The following DCT variants were observed in gnomAD, a reference collection of about 807,000 sequenced individuals.
The protein encoded by DCT is dopachrome tautomerase.
Under a neutral mutation model 53.0 loss-of-function variants are expected in DCT, and 47 were observed. That is an observed-to-expected ratio of 0.89 (90% CI 0.70 to 1.13). The LOEUF (loss-of-function observed/expected upper bound fraction) is 1.13, where lower values mean the gene tolerates loss of function less well. Ranked by LOEUF, DCT falls within the 50% of genes most tolerant of loss-of-function variation. The pLI is 0.00. For synonymous variants in DCT, 244 were observed against 237.0 expected, an observed-to-expected ratio of 1.03 and a Z score of -0.27; for missense variants, 669 against 637.4, an observed-to-expected ratio of 1.05 and a Z score of -0.53.
At chr13:94,548,680 T>C in the DCT span, among the ~76,000 whole-genome samples, 2 of 151,628 alleles carry the variant, frequency 1.3e-5, no homozygotes, top group African/African-American at 2.4e-5. Context: ...GCTGGGAAGC[T>C]GATGCCCCTG....
At chr13:94,488,901 G>T in the DCT span, among the ~76,000 whole-genome samples, 1 of 151,244 alleles carries the variant, frequency 6.6e-6, no homozygotes, top group Non-Finnish European at 1.5e-5. Flanking sequence ...TATATATATA[G>T]TCAAGAGAAA....
chr13:94,453,493 A>G (rs968672382), intron 6 of DCT, among the ~76,000 whole-genome samples: 14 of 152,318 alleles, frequency 9.2e-5, no homozygotes, highest in African/African-American at 3.1e-4. Context: ...TCTAATTATG[A>G]TTTTTCTTAT....
At chr13:94,500,740 G>A in the DCT span, among the ~76,000 whole-genome samples, 7 of 152,258 alleles carry the variant, frequency 4.6e-5, no homozygotes, top group East Asian at 7.7e-4. Flanking sequence ...CCATTCAACC[G>A]TTTATGGACA....
rs1885332365 is a variant in DCT, at chr13:94,479,340, CTT to C, written c.-87_-86del. The C allele has an allele frequency of 8.4e-7, 1 of 1,196,678 alleles. No individual in the cohort carries two copies. The highest frequency in any genetic ancestry group is 2.6e-5 in the East Asian group (1 of 38,446). The allele number at this position is 1,196,678 out of a possible 1,614,324, so 74.1% of individuals were successfully genotyped here. A position where few individuals can be genotyped will look rare whatever the true frequency, so the allele number is the denominator to read the frequency against. On this transcript the variant is annotated 5_prime_UTR_variant, in exon 1 of 8. Coordinates refer to ENST00000377028, the MANE Select transcript of DCT (RefSeq NM_001922.5). ...TCTCCTTATCTTCTACTCTTTCAGT[CTT>C]TTCTTTTCAGTATTTTTTATTTTTC...
chr13:94,443,719 G>A, intron 6 of DCT, 82 bp from the exon 7 acceptor site: 2 of 1,128,360 alleles, frequency 1.8e-6, no homozygotes, highest in Non-Finnish European at 2.6e-6. Flanking sequence ...TCTCTAAAGT[G>A]GAATAACTTC....
intron 1 of DCT, 99 bp downstream of exon 1, chr13:94,478,862 C>T: frequency 1.6e-6 from 2 of 1,251,488 alleles, no homozygotes; most frequent in South Asian, 2.9e-5. Context: ...CTTTCAAAGC[C>T]TAATCTAAGA....
intron 7 of DCT, among the ~76,000 whole-genome samples, chr13:94,442,067 G>A (rs745968840): frequency 2.0e-5 from 3 of 151,882 alleles, no homozygotes; most frequent in Non-Finnish European, 4.4e-5. Context: ...GTATCTTATT[G>A]GGGTTTCTGC....
At chr13:94,527,238 A>G in the DCT span, among the ~76,000 whole-genome samples, 1 of 152,156 alleles carries the variant, frequency 6.6e-6, no homozygotes, top group South Asian at 2.1e-4. Context: ...GTTTCTGCAG[A>G]CTTAAATGTC....
the DCT span, among the ~76,000 whole-genome samples, chr13:94,509,547 C>T: frequency 6.6e-6 from 1 of 152,146 alleles, no homozygotes; most frequent in African/African-American, 2.4e-5. Flanking sequence ...AGCACAGCCC[C>T]TTGCCAACCA....
chr13:94,484,427 G>T (rs1885576573), upstream of DCT, among the ~76,000 whole-genome samples: 2 of 152,222 alleles, frequency 1.3e-5, no homozygotes, highest in African/African-American at 4.8e-5. Flanking sequence ...CTTAAAGTCA[G>T]ATGCCTCTCA....
the DCT span, among the ~76,000 whole-genome samples, chr13:94,527,146 C>A: frequency 3.9e-5 from 6 of 152,212 alleles, no homozygotes; most frequent in Admixed American, 1.3e-4. Flanking sequence ...TGGGCAGAGC[C>A]CACCACAGCT....
At chr13:94,459,484 T>C (rs1883634688) in intron 6 of DCT, among the ~76,000 whole-genome samples, 1 of 152,136 alleles carries the variant, frequency 6.6e-6, no homozygotes, top group Admixed American at 6.6e-5. Context: ...TTAGACACAG[T>C]TATGGAGTAG....
the DCT span, among the ~76,000 whole-genome samples, chr13:94,544,684 C>G: frequency 1.3e-5 from 2 of 152,180 alleles, no homozygotes; most frequent in Non-Finnish European, 2.9e-5. Context: ...ACTGTATATT[C>G]CTGGAATCTG....
At chr13:94,485,923 C>T in the DCT span, among the ~76,000 whole-genome samples, 7 of 152,272 alleles carry the variant, frequency 4.6e-5, no homozygotes, top group Non-Finnish European at 1.0e-4. Flanking sequence ...AGTTCCTACG[C>T]GTTGCTCGAT....
At chr13:94,466,038 A>G (rs1415940144) in intron 3 of DCT, among the ~76,000 whole-genome samples, 4 of 126,278 alleles carry the variant, frequency 3.2e-5, no homozygotes, top group South Asian at 5.4e-4. Flanking sequence ...TGTACAATGG[A>G]GTATTATTCA....
At chr13:94,443,415 T>C (rs1337660094) in intron 7 of DCT, 21 bp downstream of exon 7, 1 of 1,573,114 alleles carries the variant, frequency 6.4e-7, no homozygotes, top group Admixed American at 1.7e-5. Context: ...GAATCACCCA[T>C]TTGGAAGTTG....
Position 94,465,693 on chromosome 13 carries a change from T to C in DCT, c.803A>G (p.Asp268Gly), listed in dbSNP as rs1187769005. The change falls in exon 4 of 8, where the codon GAC becomes GGC. Residue 268 changes from aspartate (D) to glycine (G), a missense_variant. Coordinates refer to ENST00000377028, the MANE Select transcript of DCT (RefSeq NM_001922.5). ...GTTCCGACTAATCAGAGTCGGATCGTCTGGTCTCGCTGCCCCAAACAGCTG... is the reference window on the plus strand; with the variant it reads ...GTTCCGACTAATCAGAGTCGGATCGCCTGGTCTCGCTGCCCCAAACAGCTG... ...TDQLFGAARP[D>G]DPTLISRNSR... 1.9e-6 allele frequency: 3 copies of C among 1,613,572 alleles called. No individual in the cohort carries two copies. The highest frequency in any genetic ancestry group is 4.5e-5 in the East Asian group (2 of 44,750).
At chr13:94,480,143 A>C (rs1885377565), upstream of DCT, among the ~76,000 whole-genome samples, 1 of 152,200 alleles carries the variant, frequency 6.6e-6, no homozygotes, top group African/African-American at 2.4e-5. Flanking sequence ...TTCCCTCCAA[A>C]TAATAACTTA....
chr13:94,514,451 G>C, the DCT span, among the ~76,000 whole-genome samples: 1 of 152,238 alleles, frequency 6.6e-6, no homozygotes, highest in East Asian at 1.9e-4. Flanking sequence ...AAAGTTAGCA[G>C]CTAGTAAGCA....
Sources: gnomAD v4.1 joint callset for allele counts (sites outside exome capture counted in the v4.1 genomes callset) on GRCh38, gnomAD v4.1.1 for gene constraint, MANE v1.5 for transcripts, NCBI Gene and HGNC (gene_info 2026-07-23, HGNC 2026-07-21) for gene names.